The following KLHL29 variants were observed in gnomAD, a reference collection of about 807,000 sequenced individuals.
KLHL29 encodes kelch-like protein 29.
KLHL29 carries 21 observed loss-of-function variants against 80.4 expected under a neutral mutation model. The observed-to-expected ratio is 0.26, with a 90% CI of 0.19 to 0.38. The LOEUF is 0.38. Among genes scored for constraint, KLHL29 ranks in the 10% least tolerant of loss-of-function variants. KLHL29 has a pLI of 1.00. For synonymous variants in KLHL29, 511 were observed against 526.8 expected, an observed-to-expected ratio of 0.97 and a Z score of 0.41; for missense variants, 867 against 1,223.9, an observed-to-expected ratio of 0.71 and a Z score of 4.35.
At chr2:23,524,668 G>A (rs749420730) in intron 2 of KLHL29, among the ~76,000 whole-genome samples, 6 of 152,220 alleles carry the variant, frequency 3.9e-5, no homozygotes, top group African/African-American at 1.2e-4. Context: ...GATCTGTTCC[G>A]TTCCTTTGCT....
At chr2:23,687,789 G>A (rs755647634) in intron 6 of KLHL29, among the ~76,000 whole-genome samples, 10 of 152,186 alleles carry the variant, frequency 6.6e-5, no homozygotes, top group African/African-American at 2.2e-4. Context: ...GTGACTCCAC[G>A]TTGCTGCAGG....
intron 1 of KLHL29, among the ~76,000 whole-genome samples, chr2:23,405,852 TG>T (rs537643006): frequency 1.7e-4 from 26 of 152,214 alleles, no homozygotes; most frequent in African/African-American, 5.5e-4. Flanking sequence ...GAAGGCTTCA[TG>T]GGGGAAATGA....
At chr2:23,610,295 C>T (rs1572436461) in intron 3 of KLHL29, among the ~76,000 whole-genome samples, 3 of 152,318 alleles carry the variant, frequency 2.0e-5, no homozygotes, top group East Asian at 1.9e-4. Flanking sequence ...TTGCTGTATT[C>T]GTTCTGGTGT....
intron 3 of KLHL29, among the ~76,000 whole-genome samples, chr2:23,593,779 G>T (rs1419518725): frequency 6.6e-6 from 1 of 152,226 alleles, no homozygotes; most frequent in Non-Finnish European, 1.5e-5. Flanking sequence ...ATCTCAGCCT[G>T]CACAGCTCCA....
intron 2 of KLHL29, among the ~76,000 whole-genome samples, chr2:23,484,832 C>T (rs1219170359): frequency 6.6e-6 from 1 of 152,220 alleles, no homozygotes; most frequent in African/African-American, 2.4e-5. Flanking sequence ...GCTCCCATCT[C>T]TGCAGACTCC....
chr2:23,526,170 T>G (rs996240676), intron 2 of KLHL29, among the ~76,000 whole-genome samples: 22 of 152,182 alleles, frequency 1.4e-4, no homozygotes, highest in Non-Finnish European at 4.4e-5. Flanking sequence ...GGAGCCTTTG[T>G]TCTAGAGGAA....
chr2:23,477,061 C>T (rs1311838414), intron 2 of KLHL29, among the ~76,000 whole-genome samples: 1 of 152,274 alleles, frequency 6.6e-6, no homozygotes, highest in Non-Finnish European at 1.5e-5. Flanking sequence ...CCAGCTGGCC[C>T]AGCCTTGTAT....
chr2:23,505,747 A>G (rs1665579394), intron 2 of KLHL29, among the ~76,000 whole-genome samples: 1 of 152,236 alleles, frequency 6.6e-6, no homozygotes, highest in Non-Finnish European at 1.5e-5. Flanking sequence ...CATGCTCAAA[A>G]GGCACCCCCA....
intron 1 of KLHL29, among the ~76,000 whole-genome samples, chr2:23,456,987 A>C (rs976046806): frequency 6.6e-6 from 1 of 152,140 alleles, no homozygotes; most frequent in African/African-American, 2.4e-5. Flanking sequence ...GCCTGGCTAC[A>C]TGGAAGGGAG....
intron 6 of KLHL29, among the ~76,000 whole-genome samples, chr2:23,687,705 G>A (rs1199108660): frequency 6.6e-6 from 1 of 152,202 alleles, no homozygotes; most frequent in Non-Finnish European, 1.5e-5. Flanking sequence ...GGGTTATGAA[G>A]AATGGGCATT....
At chr2:23,626,999 G>A (rs1669328248) in intron 3 of KLHL29, among the ~76,000 whole-genome samples, 1 of 152,170 alleles carries the variant, frequency 6.6e-6, no homozygotes, top group Admixed American at 6.5e-5. Flanking sequence ...GCCTCATGCT[G>A]CCCTGGTTAC....
intron 1 of KLHL29, among the ~76,000 whole-genome samples, chr2:23,468,264 C>T (rs1220496646): frequency 6.6e-6 from 1 of 152,108 alleles, no homozygotes; most frequent in African/African-American, 2.4e-5. Flanking sequence ...ATCTTCCATG[C>T]TCCTGACCAC....
chr2:23,662,370 G>A (rs902800611), intron 5 of KLHL29, among the ~76,000 whole-genome samples: 8 of 152,212 alleles, frequency 5.3e-5, no homozygotes, highest in East Asian at 1.9e-4. Flanking sequence ...GGGCCACGTC[G>A]TGTTCTGAGC....
At chr2:23,678,648 G>T (rs1670986569) in intron 5 of KLHL29, among the ~76,000 whole-genome samples, 1 of 152,190 alleles carries the variant, frequency 6.6e-6, no homozygotes, top group South Asian at 2.1e-4. Context: ...TAGCAAAATG[G>T]TGGCAGCAAC....
intron 1 of KLHL29, among the ~76,000 whole-genome samples, chr2:23,423,210 A>G (rs1437860936): frequency 1.3e-5 from 2 of 152,184 alleles, no homozygotes; most frequent in East Asian, 3.9e-4. Flanking sequence ...TGCGAACAGA[A>G]AAGCCTGGAT....
intron 5 of KLHL29, among the ~76,000 whole-genome samples, chr2:23,671,155 G>A (rs1197482509): frequency 6.6e-6 from 1 of 151,538 alleles, no homozygotes; most frequent in South Asian, 2.1e-4. Context: ...TAAACTGATT[G>A]TACTCCTGGC....
intron 3 of KLHL29, among the ~76,000 whole-genome samples, chr2:23,602,996 A>G (rs1297774026): frequency 6.6e-6 from 1 of 152,162 alleles, no homozygotes. Context: ...AGCTCTTGCC[A>G]ATCCATGAGT....
chr2:23,556,812 A>G (rs1475217811), intron 2 of KLHL29, among the ~76,000 whole-genome samples: 10 of 152,182 alleles, frequency 6.6e-5, no homozygotes, highest in Non-Finnish European at 1.0e-4. Flanking sequence ...ACTAGCACCA[A>G]ACTGTCTCTA....
intron 1 of KLHL29, among the ~76,000 whole-genome samples, chr2:23,419,326 A>G (rs1437792280): frequency 6.6e-6 from 1 of 152,112 alleles, no homozygotes; most frequent in African/African-American, 2.4e-5. Flanking sequence ...GAGCCAGTGA[A>G]GGAGGCCAGA....
Sources: gnomAD v4.1 joint callset for allele counts (sites outside exome capture counted in the v4.1 genomes callset) on GRCh38, gnomAD v4.1.1 for gene constraint, MANE v1.5 for transcripts, NCBI Gene and HGNC (gene_info 2026-07-23, HGNC 2026-07-21) for gene names.